Variants in XG observed in about 807,000 individuals in gnomAD.
The protein encoded by XG is Xg glycoprotein (Xg blood group).
Under a neutral mutation model 25.7 loss-of-function variants are expected in XG, and 24 were observed. The observed-to-expected ratio is 0.93, with a 90% CI of 0.68 to 1.31. XG has a LOEUF of 1.31. Among genes scored for constraint, XG ranks in the 40% most tolerant of loss-of-function variants. The probability of loss-of-function intolerance (pLI) is 0.00; values close to 1 mark genes in which losing one functional copy is unlikely to be tolerated. For missense variants in XG, 181 were observed against 187.6 expected (o/e 0.96, Z 0.21); for synonymous variants, 77 against 69.2 (o/e 1.11, Z -0.56).
At chrX:2,788,112 G>T (rs1489564934) in intron 4 of XG, among the ~76,000 whole-genome samples, 6 of 108,391 alleles carry the variant, frequency 5.5e-5, no homozygotes, top group Admixed American at 4.9e-4. Context: ...AAGAGAGAGA[G>T]ACTATTTTGA....
At chrX:2,810,154 G>A (rs1193018019) in intron 9 of XG, among the ~76,000 whole-genome samples, 1 of 112,132 alleles carries the variant, frequency 8.9e-6, no homozygotes, top group Admixed American at 9.5e-5. Context: ...AGCCTCATTC[G>A]TGGAGCAGTC....
chrX:2,760,860 C>T (rs1164713319), intron 1 of XG, among the ~76,000 whole-genome samples: 4 of 151,426 alleles, frequency 2.6e-5, no homozygotes, highest in Admixed American at 6.6e-5. Flanking sequence ...CACACAGGGA[C>T]GATCCTGTGA....
chrX:2,769,797 C>T (rs1207204111), intron 1 of XG, among the ~76,000 whole-genome samples: 1 of 152,204 alleles, frequency 6.6e-6, no homozygotes, highest in Non-Finnish European at 1.5e-5. Context: ...CTTGTCCACA[C>T]AGGTTGCTTC....
chrX:2,765,621 T>C (rs2050667510), intron 1 of XG, among the ~76,000 whole-genome samples: 1 of 152,218 alleles, frequency 6.6e-6, no homozygotes, highest in Non-Finnish European at 1.5e-5. Context: ...ATAGTCTCTG[T>C]GTGTTCCTTT....
intron 7 of XG, among the ~76,000 whole-genome samples, chrX:2,806,007 A>G (rs1365507054): frequency 1.8e-5 from 2 of 112,169 alleles, no homozygotes; most frequent in East Asian, 5.6e-4. Flanking sequence ...CTCTTAACAC[A>G]TTAGAAAAAT....
At chrX:2,809,607 G>A (rs2087035197) in intron 9 of XG, among the ~76,000 whole-genome samples, 1 of 112,248 alleles carries the variant, frequency 8.9e-6, no homozygotes, top group African/African-American at 3.2e-5. Context: ...CTTAGTAGCT[G>A]GAAATAACAA....
intron 1 of XG, among the ~76,000 whole-genome samples, chrX:2,763,806 C>T (rs1477990812): frequency 2.0e-5 from 3 of 152,156 alleles, no homozygotes; most frequent in East Asian, 1.9e-4. Context: ...CTAAATAGCT[C>T]GGAATAAACG....
intron 1 of XG, among the ~76,000 whole-genome samples, chrX:2,766,150 C>CTCT (rs1556360733): frequency 6.6e-6 from 1 of 151,366 alleles, no homozygotes; most frequent in African/African-American, 2.4e-5. Flanking sequence ...CTCTCTCTCT[C>CTCT]TTTTTTTTTG....
chrX:2,774,081 A>G (rs1312027201), intron 2 of XG, among the ~76,000 whole-genome samples: 2 of 152,110 alleles, frequency 1.3e-5, no homozygotes, highest in Non-Finnish European at 2.9e-5. Flanking sequence ...ATGCTTTCAA[A>G]TACGGTGTTT....
At chrX:2,810,111 G>T (rs766521767) in intron 9 of XG, among the ~76,000 whole-genome samples, 2 of 111,545 alleles carry the variant, frequency 1.8e-5, no homozygotes, top group Non-Finnish European at 3.8e-5. Flanking sequence ...AGGTTCTTGC[G>T]TTCAGTGACA....
chrX:2,770,083 G>T (rs1407508244), intron 1 of XG, among the ~76,000 whole-genome samples: 1 of 151,990 alleles, frequency 6.6e-6, no homozygotes, highest in Non-Finnish European at 1.5e-5. Flanking sequence ...GGACAGTCCA[G>T]GAGAGAAGTC....
rs1240086556 is a variant in XG, at chrX:2,816,183, A to C, written c.*1803A>C. 1 of 112,194 alleles carries C rather than the reference A, an allele frequency of 8.9e-6. No individual in the cohort carries two copies. Among genetic ancestry groups the C allele is most frequent in the African/African-American group, 3.2e-5 (1 of 30,907 alleles). 9.2% of individuals were successfully genotyped at this position (112,194 alleles called of 1,213,427 possible). A position where few individuals can be genotyped will look rare whatever the true frequency, so the allele number is the denominator to read the frequency against. On this transcript the variant is annotated 3_prime_UTR_variant, in exon 11 of 11. Coordinates refer to ENST00000644266, the MANE Select transcript of XG (RefSeq NM_001141919.2). ...ATTTGAATCATGATTGCTTGGGGGA[A>C]CCTCTCTTTGAGGGGTCATGAGGAC...
At chrX:2,778,008 A>G (rs1312295883) in intron 3 of XG, among the ~76,000 whole-genome samples, 1 of 152,240 alleles carries the variant, frequency 6.6e-6, no homozygotes, top group Admixed American at 6.5e-5. Flanking sequence ...AATAACCAAT[A>G]GAAAGAAAGC....
rs1433852156 is a variant in XG, at chrX:2,761,061, A to G, written c.61+8726A>G. Among the ~76,000 whole-genome samples the G allele has an allele frequency of 2.6e-5, 4 of 152,156 alleles. No individual in the cohort carries two copies. The East Asian group carries it at 7.7e-4, about 29-fold the overall frequency. On this transcript the variant is annotated intron_variant, in intron 1 of 10. Coordinates refer to ENST00000644266, the MANE Select transcript of XG (RefSeq NM_001141919.2). The stretch of plus-strand genomic sequence containing the variant: ...CAGTGGACAAACACATTTGTATTCC[A>G]ATGAATGAGTTACCTCTGTAAGGGT...
chrX:2,798,406 T>C (rs969460630), intron 7 of XG, among the ~76,000 whole-genome samples: 1 of 105,985 alleles, frequency 9.4e-6, no homozygotes, highest in African/African-American at 3.4e-5. Context: ...GAGTTTCACT[T>C]GTTGCCCAGG....
At position 2,782,115 on chromosome X, in the gene XG, C is replaced by G; in HGVS notation, c.177C>G (p.Pro59=). ...KPPYYPQPEN[P]DSGGNIYPRP... ...CTTACTACCCACAGCCCGAGAATCC[C>G]GACAGCGGTGGAAGTAAGAATCCGC... Residue 59 remains proline (P), a synonymous_variant, in exon 4 of 11, where the codon CCC becomes CCG. Transcript: ENST00000644266. 1 of 1,211,817 alleles carries G rather than the reference C, an allele frequency of 8.3e-7. No individual in the cohort carries two copies.
At chrX:2,758,119 T>A (rs312232) in intron 1 of XG, among the ~76,000 whole-genome samples, 1 of 151,908 alleles carries the variant, frequency 6.6e-6, no homozygotes, top group African/African-American at 2.4e-5. Context: ...GCTTCCATTC[T>A]GGTGCCCCCT....
chrX:2,791,332 T>C lies in XG; in HGVS notation c.253+1626T>C, dbSNP rs1006544898. Reference sequence around the variant, plus strand: ...CTGCTTTAACCATTGGGAGTTCCCCTGATTGTGATTGTTTCAGGACGTTGC... The same window carrying C: ...CTGCTTTAACCATTGGGAGTTCCCCCGATTGTGATTGTTTCAGGACGTTGC... On this transcript the variant is annotated intron_variant, in intron 5 of 10. Coordinates refer to ENST00000644266, the MANE Select transcript of XG (RefSeq NM_001141919.2). Among the ~76,000 whole-genome samples, 6 of 111,791 alleles carry C rather than the reference T, an allele frequency of 5.4e-5. No homozygotes were observed. The Admixed American group carries it at 5.7e-4, about 11-fold the overall frequency.
intron 4 of XG, among the ~76,000 whole-genome samples, chrX:2,787,899 CT>C (rs1410080583): frequency 1.1e-4 from 9 of 85,712 alleles, no homozygotes; most frequent in African/African-American, 4.9e-4. Context: ...AACAGCAAAA[CT>C]CCTTCTCAAA....
Sources: gnomAD v4.1 joint callset for allele counts (sites outside exome capture counted in the v4.1 genomes callset) on GRCh38, gnomAD v4.1.1 for gene constraint, MANE v1.5 for transcripts, NCBI Gene and HGNC (gene_info 2026-07-23, HGNC 2026-07-21) for gene names.